HELLS: variants seen among roughly 807,000 people sequenced by gnomAD.
HELLS encodes the protein helicase, lymphoid specific.
HELLS carries 32 observed loss-of-function variants against 120.0 expected under a neutral mutation model. That is an observed-to-expected ratio of 0.27 (90% CI 0.20 to 0.36). The LOEUF is 0.36. HELLS is among the 10% of genes least tolerant of loss of function. The probability of loss-of-function intolerance (pLI) is 1.00; values close to 1 mark genes in which losing one functional copy is unlikely to be tolerated. For synonymous variants in HELLS, 341 were observed against 323.4 expected (o/e 1.05, Z -0.58); for missense variants, 650 against 993.4 (o/e 0.65, Z 4.65).
chr10:94,572,749 T>A (rs2134049372), intron 7 of HELLS, among the ~76,000 whole-genome samples: 1 of 152,124 alleles, frequency 6.6e-6, no homozygotes, highest in East Asian at 1.9e-4. Flanking sequence ...AAGTACAGAT[T>A]TTCCCCCCCA....
chr10:94,600,289 T>C (rs1041642633), intron 21 of HELLS, among the ~76,000 whole-genome samples: 1 of 126,524 alleles, frequency 7.9e-6, no homozygotes, highest in Non-Finnish European at 1.7e-5. Context: ...AGACTCTGTC[T>C]CTTAAAAAAA....
chr10:94,606,025 AAATT>A (rs1846124873), downstream of HELLS, among the ~76,000 whole-genome samples: 2 of 149,802 alleles, frequency 1.3e-5, no homozygotes, highest in Non-Finnish European at 3.0e-5. Context: ...TTTGTATTCT[AAATT>A]AATAACACAG....
intron 12 of HELLS, 52 bp from the exon 13 acceptor site, chr10:94,588,177 A>T: frequency 8.8e-7 from 1 of 1,139,450 alleles, no homozygotes; most frequent in Non-Finnish European, 1.3e-6. Flanking sequence ...GTATTCCTTG[A>T]AAAACAAGAA....
At chr10:94,563,055 C>T (rs943060940) in intron 6 of HELLS, among the ~76,000 whole-genome samples, 179 bp downstream of exon 6, 2 of 151,540 alleles carry the variant, frequency 1.3e-5, no homozygotes, top group South Asian at 4.2e-4. Context: ...TACCAACCTA[C>T]AGTAGACTTG....
intron 12 of HELLS, among the ~76,000 whole-genome samples, chr10:94,585,273 G>C (rs1244012332): frequency 2.0e-5 from 3 of 149,950 alleles, no homozygotes; most frequent in Non-Finnish European, 4.4e-5. Context: ...TAAACATTTA[G>C]AAATTAAAAA....
chr10:94,584,669 T>C (rs1263270819), intron 12 of HELLS, among the ~76,000 whole-genome samples: 1 of 152,286 alleles, frequency 6.6e-6, no homozygotes, highest in African/African-American at 2.4e-5. Context: ...GGTAGATAGA[T>C]ATTCCTTAGA....
At chr10:94,580,146 TATATATATATATATATACACACAC>T (rs1488694624) in intron 10 of HELLS, among the ~76,000 whole-genome samples, 7 of 56,294 alleles carry the variant, frequency 1.2e-4, no homozygotes, top group African/African-American at 5.9e-4. Context: ...TATATATATA[TATATATATATATATATACACACAC>T]ACACACACAC....
intron 2 of HELLS, chr10:94,550,991 A>C (rs1471420978): frequency 6.6e-6 from 1 of 152,198 alleles, no homozygotes; most frequent in Non-Finnish European, 1.5e-5. Context: ...TTTAAAAGTT[A>C]AAAATTTAAG....
At chr10:94,607,894 A>G (rs1265632832) in intron 8 of HELLS, 1 of 424,260 alleles carries the variant, frequency 2.4e-6, no homozygotes, top group Non-Finnish European at 4.7e-6. Context: ...CACCCAACTG[A>G]TTTTTGTATT....
At chr10:94,551,659 A>G (rs117139785) in intron 2 of HELLS, among the ~76,000 whole-genome samples, 4,245 of 152,218 alleles carry the variant, frequency 0.028, 92 homozygotes, top group South Asian at 0.044. Context: ...TATCTTAGAG[A>G]TATTGATAAG....
chr10:94,548,445 A>G (rs1842840242), intron 2 of HELLS, among the ~76,000 whole-genome samples: 1 of 152,152 alleles, frequency 6.6e-6, no homozygotes, highest in African/African-American at 2.4e-5. Flanking sequence ...TAGCATTTAA[A>G]GAAAGATATG....
rs149382356 is a variant in HELLS at position 94,560,621 on chromosome 10, C to T, written c.334-2070C>T. 1.5e-3 allele frequency among the ~76,000 whole-genome samples: 235 copies of T among 152,082 alleles called. 1 individual carries two copies. The highest frequency in any genetic ancestry group is 2.7e-3 in the Non-Finnish European group (186 of 67,992). ...TGAGGCACGAGTATTACTTGAACCA[C>T]GGTAGGCAGAGGTTGCAGTGGGCCA... On this transcript the variant is annotated intron_variant, in intron 4 of 21. Transcript: ENST00000348459.
intron 19 of HELLS, among the ~76,000 whole-genome samples, chr10:94,595,092 G>A (rs1350860250): frequency 6.6e-6 from 1 of 151,576 alleles, no homozygotes; most frequent in African/African-American, 2.4e-5. Flanking sequence ...GCTGGGCTCG[G>A]TGGCGGGCGC....
intron 12 of HELLS, among the ~76,000 whole-genome samples, chr10:94,585,714 A>G (rs536102962): frequency 1.0e-4 from 15 of 149,594 alleles, no homozygotes; most frequent in East Asian, 5.9e-4. Flanking sequence ...TTTAGAGACA[A>G]TGTCCTACTA....
At chr10:94,605,597 G>A (rs879562642), downstream of HELLS, among the ~76,000 whole-genome samples, 1 of 148,746 alleles carries the variant, frequency 6.7e-6, no homozygotes, top group Non-Finnish European at 1.5e-5. Flanking sequence ...AAGTTGTTGT[G>A]TTGTCTCAGA....
intron 17 of HELLS, 118 bp downstream of exon 17, chr10:94,592,632 C>A: frequency 1.5e-6 from 1 of 671,318 alleles, no homozygotes. Context: ...GACCAGAAAC[C>A]CTGTGGTTTT....
chr10:94,554,917 G>A (rs1332944332), intron 3 of HELLS, among the ~76,000 whole-genome samples: 1 of 152,102 alleles, frequency 6.6e-6, no homozygotes. Flanking sequence ...GGGGAGCCTA[G>A]GTGGGTGGAT....
chr10:94,599,903 T>C (rs191935677), intron 21 of HELLS, among the ~76,000 whole-genome samples: 24 of 152,342 alleles, frequency 1.6e-4, no homozygotes, highest in Admixed American at 3.3e-4. Context: ...CATGCAGATT[T>C]AGCTGTATTT....
intron 4 of HELLS, 148 bp from the exon 5 acceptor site, chr10:94,562,543 T>C: frequency 1.9e-6 from 1 of 519,482 alleles, no homozygotes; most frequent in Non-Finnish European, 3.4e-6. Flanking sequence ...CAGAAAAATA[T>C]TACATGTAGG....
Sources: allele counts gnomAD v4.1 joint callset (sites outside exome capture counted in the v4.1 genomes callset), GRCh38; gene constraint gnomAD v4.1.1; transcripts MANE v1.5; gene names NCBI Gene and HGNC (gene_info 2026-07-23, HGNC 2026-07-21).